KAT6B: variants seen among roughly 807,000 people sequenced by gnomAD.
The protein encoded by KAT6B is histone acetyltransferase KAT6B.
KAT6B carries 10 observed loss-of-function variants against 187.5 expected under a neutral mutation model. The observed-to-expected ratio is 0.05, with a 90% CI of 0.03 to 0.09. The LOEUF (loss-of-function observed/expected upper bound fraction) is 0.09. Ranked by LOEUF, KAT6B falls within the 10% of genes least tolerant of loss-of-function variation. The pLI is 1.00. For missense variants in KAT6B, 1,952 were observed against 2,558.9 expected, an observed-to-expected ratio of 0.76 and a Z score of 5.12; for synonymous variants, 861 against 926.8, an observed-to-expected ratio of 0.93 and a Z score of 1.29.
intron 3 of KAT6B, among the ~76,000 whole-genome samples, chr10:74,876,568 A>G (rs752796698): frequency 6.6e-6 from 1 of 152,160 alleles, no homozygotes; most frequent in Non-Finnish European, 1.5e-5. Flanking sequence ...GGAGAAAAAT[A>G]ATGAAGAGCT....
At chr10:74,876,950 T>G (rs1241657867) in intron 3 of KAT6B, among the ~76,000 whole-genome samples, 1 of 152,006 alleles carries the variant, frequency 6.6e-6, no homozygotes, top group East Asian at 1.9e-4. Context: ...ACTTTTTTTT[T>G]GTTTGTTTGG....
intron 13 of KAT6B, among the ~76,000 whole-genome samples, chr10:75,006,873 G>A (rs1844240165): frequency 6.6e-6 from 1 of 150,704 alleles, no homozygotes. Context: ...TTCACGACCA[G>A]CCTGGACAAC....
In KAT6B at chr10:75,029,075, G is replaced by A. The variant is rs770760304; in HGVS notation, c.4251G>A (p.Glu1417=). Residue 1417 remains glutamate (E), a synonymous_variant, in exon 18 of 18, where the codon GAG becomes GAA. Transcript: ENST00000287239. The surrounding 1 kb of genome is among the most constrained non-coding windows in gnomAD (Gnocchi z 6.2). The part of the protein sequence containing the change: ...DHEEEEEEDE[E]PSHNEDHDAD... ...AAGAGGAGGAGGAAGAGGATGAAGA[G>A]CCATCCCACAACGAGGACCATGATG... 3.0e-5 allele frequency: 49 copies of A among 1,614,006 alleles called. No individual in the cohort carries two copies. Among genetic ancestry groups the A allele is most frequent in the Middle Eastern group, 3.3e-4 (2 of 6,084 alleles).
chr10:74,878,839 T>C (rs1304045436), intron 3 of KAT6B, among the ~76,000 whole-genome samples: 1 of 152,190 alleles, frequency 6.6e-6, no homozygotes, highest in African/African-American at 2.4e-5. Flanking sequence ...TCAGGGTCTT[T>C]CTGCTTCACC....
At chr10:75,010,001 C>T (rs1844485268) in intron 13 of KAT6B, among the ~76,000 whole-genome samples, 1 of 152,264 alleles carries the variant, frequency 6.6e-6, no homozygotes, top group Non-Finnish European at 1.5e-5. Context: ...AACTCCATCT[C>T]AAATTAAAAA....
intron 3 of KAT6B, among the ~76,000 whole-genome samples, chr10:74,953,548 TG>T: frequency 6.6e-6 from 1 of 152,336 alleles, no homozygotes; most frequent in South Asian, 2.1e-4. Flanking sequence ...TATGAACATA[TG>T]AATGAAAAAT....
At chr10:75,027,043 G>A (rs778975173) in intron 17 of KAT6B, among the ~76,000 whole-genome samples, 17 of 152,156 alleles carry the variant, frequency 1.1e-4, no homozygotes, top group Non-Finnish European at 2.2e-4. Flanking sequence ...GGAGGCTGAG[G>A]CAGGAGAATC....
Position 75,028,854 on chromosome 10 carries a change from G to A in KAT6B, c.4030G>A (p.Glu1344Lys). The A allele has an allele frequency of 6.2e-7, 1 of 1,614,018 alleles. No individual in the cohort carries two copies. The highest frequency in any genetic ancestry group is 8.5e-7 in the Non-Finnish European group (1 of 1,180,008). Reference protein sequence around the residue: ...SPNTSPGEKPEDDLIKPEEEE... With the variant: ...SPNTSPGEKPKDDLIKPEEEE... ...AAACACATCACCAGGTGAAAAACCA[G>A]AAGATGATCTCATCAAACCTGAGGA... The change falls in exon 18 of 18, where the codon GAA (glutamate) becomes AAA (lysine). Residue 1344 changes from glutamate (E) to lysine (K), a missense_variant. Coordinates refer to ENST00000287239, the MANE Select transcript of KAT6B (RefSeq NM_012330.4).
chr10:74,834,383 A>G (rs1335978691), intron 1 of KAT6B, among the ~76,000 whole-genome samples: 1 of 151,968 alleles, frequency 6.6e-6, no homozygotes, highest in Non-Finnish European at 1.5e-5. Flanking sequence ...ATTTTAGTAG[A>G]GATGGAGTTT....
chr10:74,985,343 G>C, intron 12 of KAT6B, 102 bp downstream of exon 12: 1 of 1,165,114 alleles, frequency 8.6e-7, no homozygotes, highest in Admixed American at 1.9e-5. Flanking sequence ...ATTTGAATAA[G>C]TGACATGTGT....
Position 74,989,935 on chromosome 10 carries a change from G to C in KAT6B, c.2629+823G>C, listed in dbSNP as rs148783877. The stretch of plus-strand genomic sequence containing the variant: ...TCACTGGCCGGGCGTGGTGGCTTAT[G>C]CCTGTAATCCCAGCACTTTGGGAGG... On this transcript the variant is annotated intron_variant, in intron 13 of 17. Coordinates refer to ENST00000287239, the MANE Select transcript of KAT6B (RefSeq NM_012330.4). Among the ~76,000 whole-genome samples the C allele has an allele frequency of 1.8e-3, 281 of 152,196 alleles. 7 individuals carry two copies. In the East Asian group the frequency reaches 0.044, roughly 24 times the overall value.
At chr10:74,931,457 A>G (rs181017161) in intron 3 of KAT6B, among the ~76,000 whole-genome samples, 3 of 152,122 alleles carry the variant, frequency 2.0e-5, no homozygotes, top group Non-Finnish European at 4.4e-5. Flanking sequence ...TTACCCTTCT[A>G]TTGATGATTT....
intron 3 of KAT6B, among the ~76,000 whole-genome samples, chr10:74,922,313 T>C (rs1378803886): frequency 6.6e-6 from 1 of 152,166 alleles, no homozygotes; most frequent in Non-Finnish European, 1.5e-5. Flanking sequence ...TTGATAAAGC[T>C]CTAGAAAACA....
At chr10:74,964,077 G>A (rs150495474) in intron 4 of KAT6B, among the ~76,000 whole-genome samples, 2 of 152,326 alleles carry the variant, frequency 1.3e-5, no homozygotes, top group African/African-American at 4.8e-5. Flanking sequence ...GTTGAGGTGA[G>A]CCGAGATTGC....
rs895576483 is a variant in KAT6B at position 74,970,206 on chromosome 10, C to A, written c.928+105C>A. On this transcript the variant is annotated intron_variant, in intron 6 of 17. Coordinates refer to ENST00000287239, the MANE Select transcript of KAT6B (RefSeq NM_012330.4). ...ATACAGGTTCTTTAAGCATTTTTTT[C>A]ATCCCTCCCACCTTCCCTATACTTC... 41 of 790,646 alleles carry A rather than the reference C, an allele frequency of 5.2e-5. No homozygotes were observed. In the Admixed American group the frequency reaches 7.6e-4, roughly 15 times the overall value. 49.0% of individuals were successfully genotyped at this position (790,646 alleles called of 1,614,324 possible). A position where few individuals can be genotyped will look rare whatever the true frequency, so the allele number is the denominator to read the frequency against.
intron 16 of KAT6B, among the ~76,000 whole-genome samples, 179 bp from the exon 17 acceptor site, chr10:75,024,779 G>A (rs1259187674): frequency 6.6e-6 from 1 of 152,212 alleles, no homozygotes; most frequent in Non-Finnish European, 1.5e-5. Flanking sequence ...ACACTTGCCT[G>A]TGTAGTTGGA....
rs927634610 is a variant in KAT6B, at chr10:75,030,371, G to T, written c.5547G>T (p.Leu1849Phe). The T allele has an allele frequency of 5.6e-6, 9 of 1,614,042 alleles. No homozygotes were observed. The African/African-American group carries it at 1.1e-4, about 19-fold the overall frequency. The change falls in exon 18 of 18, where the codon TTG (leucine) becomes TTT (phenylalanine). Residue 1849 changes from leucine (L) to phenylalanine (F), a missense_variant. Physicochemically the swap from Leu to Phe is conservative, Grantham distance 22. This residue lies in a region of KAT6B where 358 missense variants were observed against 436.3 expected (regional missense o/e 0.82). Transcript: ENST00000287239. This position sits in a 1 kb window ranked among gnomAD's most constrained non-coding sequence, Gnocchi z 4.8. ...CTTCCTATGCAAACAGTGCCTCTTT[G>T]TCCACACCATTAAGTAACACAGGGC... ...AVTSYANSASLSTPLSNTGLV... is the reference protein window; with the variant it reads ...AVTSYANSASFSTPLSNTGLV...
At chr10:74,831,482 C>T (rs77551520) in intron 1 of KAT6B, among the ~76,000 whole-genome samples, 3,533 of 152,292 alleles carry the variant, frequency 0.023, 138 homozygotes, top group African/African-American at 0.08. Context: ...AAAATACACT[C>T]TTCTTGACCC....
chr10:74,993,448 G>C (rs1340665951), intron 13 of KAT6B, among the ~76,000 whole-genome samples: 2 of 152,246 alleles, frequency 1.3e-5, no homozygotes, highest in Non-Finnish European at 2.9e-5. Context: ...TTGAGAGTAA[G>C]TTGAAGATGT....
Sources: allele counts gnomAD v4.1 joint callset (sites outside exome capture counted in the v4.1 genomes callset), GRCh38; gene constraint gnomAD v4.1.1; regional missense constraint gnomAD v4.1.1; non-coding constraint Gnocchi (gnomAD v3.1); transcripts MANE v1.5; gene names NCBI Gene and HGNC (gene_info 2026-07-23, HGNC 2026-07-21).